SLFN12L: variants seen among roughly 807,000 people sequenced by gnomAD.
The protein encoded by SLFN12L is schlafen family member 12 like.
Under a neutral mutation model 34.8 loss-of-function variants are expected in SLFN12L, and 34 were observed. That is an observed-to-expected ratio of 0.98 (90% CI 0.74 to 1.30). The LOEUF (loss-of-function observed/expected upper bound fraction) is 1.30, where lower values mean the gene tolerates loss of function less well. Among genes scored for constraint, SLFN12L ranks in the 50% most tolerant of loss-of-function variants. The pLI is 0.00. For missense variants in SLFN12L, 703 were observed against 696.2 expected, an observed-to-expected ratio of 1.01 and a Z score of -0.11; for synonymous variants, 259 against 247.5, an observed-to-expected ratio of 1.05 and a Z score of -0.44.
intron 2 of SLFN12L, among the ~76,000 whole-genome samples, chr17:35,492,891 A>T (rs932571201): frequency 2.0e-5 from 3 of 152,000 alleles, no homozygotes; most frequent in African/African-American, 7.3e-5. Flanking sequence ...TATGTGCCTG[A>T]CCCAATGGTA....
intron 2 of SLFN12L, chr17:35,490,785 A>G (rs1000710401): frequency 1.3e-5 from 19 of 1,486,298 alleles, no homozygotes; most frequent in Non-Finnish European, 1.5e-5. Flanking sequence ...AAGCCCCTCC[A>G]GAAATAAGAC....
intron 2 of SLFN12L, chr17:35,487,603 A>C: frequency 9.9e-7 from 1 of 1,013,360 alleles, no homozygotes; most frequent in South Asian, 1.5e-5. Context: ...GCCCTTAAGC[A>C]ACTGAAAGTT....
chr17:35,494,228 T>TAA (rs3087170), intron 2 of SLFN12L, among the ~76,000 whole-genome samples: 55,520 of 148,952 alleles, frequency 0.37, 10,491 homozygotes, highest in Middle Eastern at 0.49. Context: ...TAATATAATG[T>TAA]AAAAAAAAAA....
At chr17:35,495,900 A>AC (rs1915043308) in intron 2 of SLFN12L, among the ~76,000 whole-genome samples, 1 of 137,978 alleles carries the variant, frequency 7.2e-6, no homozygotes, top group Admixed American at 7.3e-5. Flanking sequence ...GCCGATTTGA[A>AC]ACACACACAC....
intron 1 of SLFN12L, among the ~76,000 whole-genome samples, chr17:35,525,657 T>C (rs941490295): frequency 6.6e-6 from 1 of 152,156 alleles, no homozygotes; most frequent in Non-Finnish European, 1.5e-5. Flanking sequence ...GACAAGAACA[T>C]GCTGAGAGAT....
intron 2 of SLFN12L, among the ~76,000 whole-genome samples, chr17:35,488,962 C>T (rs985855839): frequency 6.6e-6 from 1 of 151,788 alleles, no homozygotes; most frequent in East Asian, 1.9e-4. Flanking sequence ...CCCAGCTACT[C>T]GGGAGGCTGA....
intron 1 of SLFN12L, among the ~76,000 whole-genome samples, chr17:35,536,892 G>A (rs1011918009): frequency 6.6e-6 from 1 of 150,960 alleles, no homozygotes; most frequent in Admixed American, 6.6e-5. Flanking sequence ...CTTCACAGGC[G>A]AGGCTGGGTA....
At position 35,474,216 on chromosome 17, in the gene SLFN12L, T is replaced by A. The variant is rs1020161550; in HGVS notation, c.*707A>T. On this transcript the variant is annotated 3_prime_UTR_variant, in exon 5 of 5. Coordinates refer to ENST00000628453, the MANE Select transcript of SLFN12L (RefSeq NM_001363830.2). ...TCATCTCTTCATTGGCTGCATTTCA[T>A]TGCAATATAGTTTTCAAGAAGATAT... 6.6e-6 allele frequency: 1 copy of A among 152,356 alleles called. No homozygotes were observed. The highest frequency in any genetic ancestry group is 2.4e-5 in the African/African-American group (1 of 41,576). 9.4% of individuals were successfully genotyped at this position (152,356 alleles called of 1,614,324 possible).
At chr17:35,491,089 A>T (rs1200135103) in intron 2 of SLFN12L, 1 of 778,042 alleles carries the variant, frequency 1.3e-6, no homozygotes, top group Non-Finnish European at 2.4e-6. Context: ...TTGTGAACTT[A>T]CTGCCTCCCC....
chr17:35,490,193 C>G (rs1914778431), intron 2 of SLFN12L: 3 of 1,601,144 alleles, frequency 1.9e-6, no homozygotes, highest in South Asian at 1.1e-5. Context: ...AGCGCTGGGA[C>G]GAGGCGGCAG....
At chr17:35,497,625 G>C (rs118005080) in intron 2 of SLFN12L, among the ~76,000 whole-genome samples, 421 of 152,186 alleles carry the variant, frequency 2.8e-3, no homozygotes, top group Non-Finnish European at 5.0e-3. Context: ...ACACTCATCT[G>C]ACTTGGTAAT....
At chr17:35,495,239 A>C (rs1597852071) in intron 2 of SLFN12L, among the ~76,000 whole-genome samples, 2 of 152,030 alleles carry the variant, frequency 1.3e-5, no homozygotes, top group Non-Finnish European at 2.9e-5. Flanking sequence ...TATCTTGTTC[A>C]CTGAGAGGTG....
chr17:35,488,801 G>A (rs946901166), intron 2 of SLFN12L, among the ~76,000 whole-genome samples: 9 of 152,134 alleles, frequency 5.9e-5, no homozygotes, highest in Non-Finnish European at 1.0e-4. Context: ...CGGGCGCGGT[G>A]GCTCAGGACT....
chr17:35,527,158 A>G lies in SLFN12L; in HGVS notation c.-605-4189T>C, dbSNP rs532824229. ...GCATAGGCCCTCCCAAGTCTAAACC[A>G]GGAAGAAGTCGAATCCCTGAATAGA... On this transcript the variant is annotated intron_variant, in intron 1 of 4. Transcript: ENST00000628453. Among the ~76,000 whole-genome samples the G allele has an allele frequency of 3.3e-5, 5 of 152,346 alleles. No homozygotes were observed. In the East Asian group the frequency reaches 9.6e-4, roughly 29 times the overall value.
chr17:35,480,929 TA>T (rs1914309141), intron 2 of SLFN12L, among the ~76,000 whole-genome samples: 1 of 152,106 alleles, frequency 6.6e-6, no homozygotes, highest in Non-Finnish European at 1.5e-5. Context: ...AAATAGATTA[TA>T]GATATGATTA....
rs1055496257 is a variant in SLFN12L, at chr17:35,516,280, A to T, written c.86+5999T>A. Among the ~76,000 whole-genome samples the T allele has an allele frequency of 5.3e-5, 8 of 152,308 alleles. 1 individual carries two copies. Among genetic ancestry groups the T allele is most frequent in the Admixed American group, 3.9e-4 (6 of 15,300 alleles). On this transcript the variant is annotated intron_variant, in intron 2 of 4. Coordinates refer to ENST00000628453, the MANE Select transcript of SLFN12L (RefSeq NM_001363830.2). ...TACTAGGGGCATGGAATCCTCTAAG[A>T]TTCTTCATTCCATTTTCCAGCTCCC...
intron 2 of SLFN12L, among the ~76,000 whole-genome samples, chr17:35,482,831 C>G (rs780843312): frequency 2.6e-5 from 4 of 152,122 alleles, no homozygotes; most frequent in African/African-American, 9.7e-5. Flanking sequence ...GGCTGGGGAC[C>G]GGGCTGCCAG....
In SLFN12L at chr17:35,491,007, C is replaced by T. The variant is rs192506417; in HGVS notation, c.87-10812G>A. 6 of 788,518 alleles carry T rather than the reference C, an allele frequency of 7.6e-6. No homozygotes were observed. In the East Asian group the frequency reaches 1.5e-4, roughly 19 times the overall value. 48.8% of individuals were successfully genotyped at this position (788,518 alleles called of 1,614,324 possible). On this transcript the variant is annotated intron_variant, in intron 2 of 4. Coordinates refer to ENST00000628453, the MANE Select transcript of SLFN12L (RefSeq NM_001363830.2). ...TCAATTTCTATGGGAAACCTTTCTC[C>T]TCCGGCCTCCCCAGCCAACCTCTTA...
intron 1 of SLFN12L, among the ~76,000 whole-genome samples, chr17:35,532,388 C>T (rs1368277177): frequency 2.0e-5 from 3 of 149,050 alleles, no homozygotes; most frequent in Admixed American, 1.3e-4. Context: ...TGCAGTGAGC[C>T]GAGATTGCAC....
Sources: gnomAD v4.1 joint callset for allele counts (sites outside exome capture counted in the v4.1 genomes callset) on GRCh38, gnomAD v4.1.1 for gene constraint, MANE v1.5 for transcripts, NCBI Gene and HGNC (gene_info 2026-07-23, HGNC 2026-07-21) for gene names.